PUDP: variants seen among roughly 807,000 people sequenced by gnomAD.
The protein encoded by PUDP is pseudouridine-5'-phosphatase.
A neutral mutation model predicts 9.4 loss-of-function variants in PUDP; 8 were observed. That is an observed-to-expected ratio of 0.85 (90% confidence interval 0.50 to 1.53). The LOEUF is 1.53. Ranked by LOEUF, PUDP falls within the 40% of genes most tolerant of loss-of-function variation. The pLI is 0.00. For synonymous variants in PUDP, 99 were observed against 80.7 expected, an observed-to-expected ratio of 1.23 and a Z score of -1.22; for missense variants, 188 against 189.7, an observed-to-expected ratio of 0.99 and a Z score of 0.05.
At chrX:6,722,369 C>T (rs1040086263), upstream of PUDP, among the ~76,000 whole-genome samples, 3 of 108,616 alleles carry the variant, frequency 2.8e-5, no homozygotes, top group East Asian at 2.9e-4. Context: ...CACTTGAACC[C>T]GGGAGGCAGA....
intron 2 of PUDP, among the ~76,000 whole-genome samples, chrX:7,097,815 G>A (rs1229820039): frequency 9.0e-6 from 1 of 111,261 alleles, no homozygotes; most frequent in Non-Finnish European, 1.9e-5. Flanking sequence ...AGACAACGGT[G>A]TAAGAAAATA....
intron 1 of PUDP, among the ~76,000 whole-genome samples, chrX:7,128,213 T>C (rs1305227599): frequency 9.0e-6 from 1 of 110,827 alleles, no homozygotes; most frequent in Non-Finnish European, 1.9e-5. Flanking sequence ...AGCTGATTTT[T>C]GTATTTTTTG....
intron 3 of PUDP, among the ~76,000 whole-genome samples, chrX:6,822,887 T>G (rs1005068777): frequency 7.3e-4 from 81 of 110,525 alleles, no homozygotes; most frequent in African/African-American, 2.6e-3. Context: ...CCCAGTTCCC[T>G]GTTTTTTAAG....
chrX:6,890,935 C>G (rs1180301186), intron 3 of PUDP, among the ~76,000 whole-genome samples: 1 of 33,149 alleles, frequency 3.0e-5, no homozygotes, highest in African/African-American at 1.5e-4. Context: ...CTCATCTCTC[C>G]AAAAAAAAAA....
Position 6,920,294 on chromosome X carries a change from G to T in PUDP, c.*247+56839C>A, listed in dbSNP as rs187749846. Among the ~76,000 whole-genome samples the T allele has an allele frequency of 5.7e-3, 633 of 111,053 alleles. 3 individuals are homozygous for T. Among genetic ancestry groups the T allele is most frequent in the South Asian group, 0.012 (32 of 2,571 alleles). On this transcript the variant is annotated intron_variant and NMD_transcript_variant, in intron 3 of 3. Coordinates refer to the PUDP transcript ENST00000655425. ...GTTCTTGGTCATTGGTCATCACCTA[G>T]GTTCTAGTCCCATTGTACACTGCAT...
chrX:6,905,406 A>G (rs974623114), intron 3 of PUDP, among the ~76,000 whole-genome samples: 33 of 112,066 alleles, frequency 2.9e-4, no homozygotes, highest in Non-Finnish European at 5.3e-4. Flanking sequence ...GACATACCTG[A>G]GACTGGATAA....
At chrX:7,115,898 G>A (rs765244772) in intron 1 of PUDP, among the ~76,000 whole-genome samples, 1 of 112,563 alleles carries the variant, frequency 8.9e-6, no homozygotes, top group Admixed American at 9.4e-5. Context: ...GACTGGAAGA[G>A]TCTATCTGCT....
intron 3 of PUDP, among the ~76,000 whole-genome samples, chrX:6,799,370 C>A (rs1306924075): frequency 9.0e-6 from 1 of 111,314 alleles, no homozygotes; most frequent in Non-Finnish European, 1.9e-5. Context: ...GCTAAACCTG[C>A]AAAATAAGTA....
At chrX:7,024,999 G>T (rs990560931) in intron 1 of PUDP, among the ~76,000 whole-genome samples, 2 of 110,867 alleles carry the variant, frequency 1.8e-5, no homozygotes, top group African/African-American at 6.6e-5. Flanking sequence ...TACTAGCAGA[G>T]TAGCACCTGA....
At chrX:6,823,205 T>G (rs1187925287) in intron 3 of PUDP, among the ~76,000 whole-genome samples, 2 of 111,065 alleles carry the variant, frequency 1.8e-5, no homozygotes, top group Non-Finnish European at 3.8e-5. Flanking sequence ...AAACTGTCTA[T>G]GTAGTGGGTG....
intron 2 of PUDP, among the ~76,000 whole-genome samples, chrX:7,102,422 A>C (rs888980190): frequency 5.5e-5 from 6 of 109,927 alleles, no homozygotes; most frequent in Admixed American, 9.7e-5. Flanking sequence ...TAAGGATAGA[A>C]AAAAAAAACT....
intron 2 of PUDP, among the ~76,000 whole-genome samples, chrX:7,104,681 G>A (rs191406018): frequency 3.1e-4 from 35 of 111,576 alleles, no homozygotes; most frequent in Admixed American, 3.8e-4. Flanking sequence ...TGAGTATCAC[G>A]ATGCTCGTAC....
chrX:6,720,258 G>GTGTGTGTGTATA (rs1555907522), intron 1 of PUDP, among the ~76,000 whole-genome samples: 1 of 48,805 alleles, frequency 2.0e-5, no homozygotes, highest in African/African-American at 1.0e-4. Context: ...GTGTGTGTGT[G>GTGTGTGTGTATA]TATATATATA....
At chrX:6,864,456 C>G (rs1392693563) in intron 3 of PUDP, among the ~76,000 whole-genome samples, 1 of 111,823 alleles carries the variant, frequency 8.9e-6, no homozygotes, top group Admixed American at 9.5e-5. Flanking sequence ...AAGGAATGTC[C>G]CTATTTCCCA....
intron 2 of PUDP, among the ~76,000 whole-genome samples, chrX:7,089,606 C>T (rs1931365374): frequency 9.0e-6 from 1 of 111,107 alleles, no homozygotes; most frequent in Non-Finnish European, 1.9e-5. Flanking sequence ...ATTCAACTTA[C>T]TACCTGTTTT....
At chrX:7,136,714 G>A (rs868549601) in intron 1 of PUDP, among the ~76,000 whole-genome samples, 20 of 27,831 alleles carry the variant, frequency 7.2e-4, no homozygotes, top group Non-Finnish European at 9.6e-4. Context: ...CCCCAACCCC[G>A]CCCACTGCAT....
At chrX:6,813,052 C>T (rs1926169569) in intron 3 of PUDP, among the ~76,000 whole-genome samples, 1 of 110,157 alleles carries the variant, frequency 9.1e-6, no homozygotes, top group Admixed American at 9.7e-5. Context: ...TATAATCACA[C>T]TAACATACTC....
chrX:6,968,517 G>A (rs1415081518), intron 3 of PUDP, among the ~76,000 whole-genome samples: 4 of 111,359 alleles, frequency 3.6e-5, no homozygotes, highest in Non-Finnish European at 5.7e-5. Flanking sequence ...TGGTGGGGCC[G>A]ATCGTCTCTC....
intron 2 of PUDP, among the ~76,000 whole-genome samples, chrX:7,097,782 G>A (rs990790251): frequency 9.0e-6 from 1 of 111,045 alleles, no homozygotes; most frequent in Non-Finnish European, 1.9e-5. Flanking sequence ...AAAGGGTGGG[G>A]GTGTATCTGT....
Sources: gnomAD v4.1 joint callset for allele counts (sites outside exome capture counted in the v4.1 genomes callset) on GRCh38, gnomAD v4.1.1 for gene constraint, MANE v1.5 for transcripts, NCBI Gene and HGNC (gene_info 2026-07-23, HGNC 2026-07-21) for gene names.